ALDH1L2: variants seen among roughly 807,000 people sequenced by gnomAD.
The protein encoded by ALDH1L2 is mitochondrial 10-formyltetrahydrofolate dehydrogenase.
ALDH1L2 carries 91 observed loss-of-function variants against 111.0 expected under a neutral mutation model. The ratio of observed to expected loss-of-function variants is 0.82; its 90% CI spans 0.69 to 0.98. The LOEUF (loss-of-function observed/expected upper bound fraction) is 0.98, where lower values mean the gene tolerates loss of function less well. ALDH1L2 is among the 50% of genes least tolerant of loss of function. The probability of loss-of-function intolerance (pLI) is 0.00; values close to 1 mark genes in which losing one functional copy is unlikely to be tolerated. For synonymous variants in ALDH1L2, 374 were observed against 392.6 expected (o/e 0.95, Z 0.56); for missense variants, 995 against 1,126.8 (o/e 0.88, Z 1.67).
Position 105,039,693 on chromosome 12 carries a change from C to T in ALDH1L2, c.2045+20G>A. On this transcript the variant is annotated intron_variant, in intron 17 of 22. Coordinates refer to ENST00000258494, the MANE Select transcript of ALDH1L2 (RefSeq NM_001034173.4). ...TAGTTTAACAGGATCTGCAGTGAAT[C>T]AACATTTTAAAACCAATACCTCTTC... The T allele has an allele frequency of 6.2e-7, 1 of 1,607,340 alleles. No homozygotes were observed. The highest frequency in any genetic ancestry group is 2.2e-5 in the East Asian group (1 of 44,836).
chr12:105,061,023 G>C lies in ALDH1L2; in HGVS notation c.1097C>G (p.Thr366Arg), dbSNP rs747620623. The C allele has an allele frequency of 3.7e-6, 6 of 1,614,000 alleles. No individual in the cohort carries two copies. The East Asian group carries it at 1.3e-4, about 36-fold the overall frequency. ...GCTTGCTCCAGATTTAAAGAAGTCT[G>C]TTGAGTCTTCAATAATGGGGACATT... ...LSNVPIIEDS[T>R]DFFKSGASSM... The change falls in exon 9 of 23, where the codon ACA (threonine) becomes AGA (arginine). Residue 366 changes from threonine (T) to arginine (R), a missense_variant. Coordinates refer to ENST00000258494, the MANE Select transcript of ALDH1L2 (RefSeq NM_001034173.4).
chr12:105,076,080 C>T (rs930317131), intron 1 of ALDH1L2, among the ~76,000 whole-genome samples: 28 of 152,230 alleles, frequency 1.8e-4, no homozygotes, highest in African/African-American at 6.5e-4. Context: ...TTACTTCAGT[C>T]TTATTTCTCC....
chr12:105,070,400 C>T lies in ALDH1L2; in HGVS notation c.428+170G>A, dbSNP rs536927496. 1.5e-5 allele frequency: 9 copies of T among 615,476 alleles called. No homozygotes were observed. The East Asian group carries it at 2.2e-4, about 15-fold the overall frequency. The allele number at this position is 615,476 out of a possible 1,614,324, so 38.1% of individuals were successfully genotyped here. A position where few individuals can be genotyped will look rare whatever the true frequency, so the allele number is the denominator to read the frequency against. ...ATATAGGCAATTGAAATACACTCAC[C>T]CTCTGTGTAATTAAAAAAGTCTCAC... On this transcript the variant is annotated intron_variant, in intron 3 of 22. Transcript: ENST00000258494.
chr12:105,048,959 A>AG (rs1350989620), intron 13 of ALDH1L2, among the ~76,000 whole-genome samples: 1 of 122,964 alleles, frequency 8.1e-6, no homozygotes, highest in Non-Finnish European at 1.8e-5. Flanking sequence ...TGAACCCAGG[A>AG]GGCGAGGTTG....
Position 105,068,824 on chromosome 12 carries a change from C to T in ALDH1L2, c.489G>A (p.Leu163=), listed in dbSNP as rs1877521136. The T allele has an allele frequency of 6.2e-7, 1 of 1,606,706 alleles. No homozygotes were observed. Among genetic ancestry groups the T allele is most frequent in the Non-Finnish European group, 8.5e-7 (1 of 1,176,652 alleles). ...GFSVFWADDG[L]DTGPILLQRS... The stretch of plus-strand genomic sequence containing the variant: ...TCTGAAGAAGGATGGGTCCTGTATC[C>T]AAGCCATCATCAGCCCAGAAAACAG... The change falls in exon 4 of 23, where the codon TTG becomes TTA. Residue 163 remains leucine, a synonymous_variant. Coordinates refer to ENST00000258494, the MANE Select transcript of ALDH1L2 (RefSeq NM_001034173.4).
At chr12:105,082,681 C>T (rs1240658223) in intron 1 of ALDH1L2, among the ~76,000 whole-genome samples, 6 of 152,122 alleles carry the variant, frequency 3.9e-5, no homozygotes, top group Non-Finnish European at 8.8e-5. Context: ...GGTTTCTATG[C>T]GGGCAAATAA....
intron 21 of ALDH1L2, 40 bp downstream of exon 21, chr12:105,030,284 C>T (rs751996777): frequency 1.3e-6 from 2 of 1,532,962 alleles, no homozygotes; most frequent in Admixed American, 1.8e-5. Context: ...AATGACTTAT[C>T]TAGTCAAAAC....
intron 17 of ALDH1L2, among the ~76,000 whole-genome samples, chr12:105,038,559 TGGGAGGCTGAGGC>T (rs927429203): frequency 4.6e-5 from 7 of 151,926 alleles, no homozygotes; most frequent in African/African-American, 1.7e-4. Flanking sequence ...GTCAGCTACT[TGGGAGGCTGAGGC>T]AGGAGGATCG....
At chr12:105,053,906 CAGA>C (rs1876452208) in intron 10 of ALDH1L2, among the ~76,000 whole-genome samples, 1 of 151,378 alleles carries the variant, frequency 6.6e-6, no homozygotes, top group Non-Finnish European at 1.5e-5. Context: ...AGTCAAGTAA[CAGA>C]AGACGTATTT....
intron 1 of ALDH1L2, among the ~76,000 whole-genome samples, chr12:105,078,975 T>G (rs1037252732): frequency 2.6e-5 from 4 of 152,306 alleles, no homozygotes; most frequent in Admixed American, 2.6e-4. Context: ...ATGGAGCGCT[T>G]TGTGTCAAAT....
intron 22 of ALDH1L2, 115 bp downstream of exon 22, chr12:105,026,430 A>G (rs930646192): frequency 3.3e-6 from 4 of 1,208,918 alleles, no homozygotes; most frequent in Middle Eastern, 2.1e-4. Context: ...AAACCCAGAT[A>G]TAACTGCCAT....
In ALDH1L2 at chr12:105,073,880, A is replaced by G. The variant is rs769002811; in HGVS notation, c.174T>C (p.Asp58=). 1 of 1,613,976 alleles carries G rather than the reference A, an allele frequency of 6.2e-7. No homozygotes were observed. Among genetic ancestry groups the G allele is most frequent in the Non-Finnish European group, 8.5e-7 (1 of 1,179,988 alleles). The change falls in exon 2 of 23, where the codon GAT becomes GAC. Residue 58 remains aspartate, a synonymous_variant. Coordinates refer to ENST00000258494, the MANE Select transcript of ALDH1L2 (RefSeq NM_001034173.4). ...VVGVFTVPDK[D]GKADPLALAA... Reference sequence around the variant, plus strand: ...ACTCACCCAGAGGGTCAGCTTTTCCATCCTTGTCTGGAACTGTGAACACCC... The same window carrying G: ...ACTCACCCAGAGGGTCAGCTTTTCCGTCCTTGTCTGGAACTGTGAACACCC...
intron 10 of ALDH1L2, among the ~76,000 whole-genome samples, chr12:105,057,697 T>C (rs777980696): frequency 1.3e-5 from 2 of 152,170 alleles, no homozygotes; most frequent in African/African-American, 2.4e-5. Flanking sequence ...ATCTCTAAAA[T>C]AGGCAAATCC....
chr12:105,062,421 G>A (rs746966541), intron 7 of ALDH1L2, among the ~76,000 whole-genome samples: 3 of 152,224 alleles, frequency 2.0e-5, no homozygotes, highest in African/African-American at 7.2e-5. Flanking sequence ...TCATTGGGAA[G>A]CTTCGCAAGG....
intron 2 of ALDH1L2, among the ~76,000 whole-genome samples, chr12:105,071,522 A>AT (rs1032458943): frequency 1.4e-5 from 2 of 143,758 alleles, no homozygotes; most frequent in Admixed American, 1.4e-4. Context: ...GCACACGCCT[A>AT]TTTTTTTCAT....
At chr12:105,047,033 G>T in intron 13 of ALDH1L2, 64 bp from the exon 14 acceptor site, 6 of 1,548,752 alleles carry the variant, frequency 3.9e-6, no homozygotes, top group East Asian at 2.3e-5. Context: ...CATCTCAAAG[G>T]ATCCATTTTC....
intron 18 of ALDH1L2, among the ~76,000 whole-genome samples, chr12:105,034,958 T>G (rs900809294): frequency 1.3e-5 from 2 of 151,664 alleles, no homozygotes; most frequent in Non-Finnish European, 2.9e-5. Flanking sequence ...CACTCCAGCC[T>G]GGGCGACAGA....
At chr12:105,052,354 A>G (rs1408757520) in intron 11 of ALDH1L2, 137 bp from the exon 12 acceptor site, 10 of 875,366 alleles carry the variant, frequency 1.1e-5, no homozygotes, top group Non-Finnish European at 1.6e-5. Context: ...TATATCTAGT[A>G]CTACAGTAAA....
At chr12:105,079,568 T>C (rs1360649012) in intron 1 of ALDH1L2, among the ~76,000 whole-genome samples, 1 of 152,028 alleles carries the variant, frequency 6.6e-6, no homozygotes, top group Non-Finnish European at 1.5e-5. Context: ...TTCAAAGACT[T>C]TGAGTAAAGG....
Sources: gnomAD v4.1 joint callset for allele counts (sites outside exome capture counted in the v4.1 genomes callset) on GRCh38, gnomAD v4.1.1 for gene constraint, MANE v1.5 for transcripts, NCBI Gene and HGNC (gene_info 2026-07-23, HGNC 2026-07-21) for gene names.